SOX6: variants seen among roughly 807,000 people sequenced by gnomAD.
SOX6 encodes the protein transcription factor SOX-6.
Under a neutral mutation model 97.8 loss-of-function variants are expected in SOX6, and 11 were observed. The ratio of observed to expected loss-of-function variants is 0.11; its 90% CI spans 0.07 to 0.19. The LOEUF is 0.19. Among genes scored for constraint, SOX6 ranks in the 10% least tolerant of loss-of-function variants. The pLI is 1.00. For synonymous variants in SOX6, 360 were observed against 371.4 expected (o/e 0.97, Z 0.35); for missense variants, 810 against 1,039.5 (o/e 0.78, Z 3.04).
At chr11:16,243,612 T>C (rs4757386) in intron 3 of SOX6, among the ~76,000 whole-genome samples, 144,263 of 151,804 alleles carry the variant, frequency 0.95, 68,972 homozygotes, top group East Asian at 1. Flanking sequence ...AGCTCCACCC[T>C]CCCGAAAGAA....
chr11:16,282,072 C>A (rs7928191), intron 3 of SOX6, among the ~76,000 whole-genome samples: 2 of 148,860 alleles, frequency 1.3e-5, no homozygotes, highest in Admixed American at 1.3e-4. Context: ...ACAATGCACA[C>A]TAGATGCAAG....
intron 6 of SOX6, among the ~76,000 whole-genome samples, chr11:16,138,245 A>T (rs1287845471): frequency 6.6e-6 from 1 of 152,216 alleles, no homozygotes; most frequent in Non-Finnish European, 1.5e-5. Flanking sequence ...TACTTAACTA[A>T]TCTATACAAC....
At chr11:16,725,340 A>G (rs533052513) in intron 2 of SOX6, among the ~76,000 whole-genome samples, 1 of 152,294 alleles carries the variant, frequency 6.6e-6, no homozygotes, top group East Asian at 1.9e-4. Context: ...TGTGGACAAC[A>G]TGGTGAAACC....
At chr11:16,489,966 C>A (rs1249406928) in intron 4 of SOX6, among the ~76,000 whole-genome samples, 2 of 152,050 alleles carry the variant, frequency 1.3e-5, no homozygotes, top group Non-Finnish European at 2.9e-5. Context: ...TAAACACAAT[C>A]TCATCTCACC....
chr11:16,111,570 T>G (rs1849230321), intron 7 of SOX6, among the ~76,000 whole-genome samples: 1 of 152,200 alleles, frequency 6.6e-6, no homozygotes, highest in African/African-American at 2.4e-5. Context: ...AGTAGTATCT[T>G]ATCTGTGAAT....
rs1405330850 is a variant in SOX6, at chr11:15,967,043, GA to G, written c.*5765del. The G allele has an allele frequency of 1.3e-5, 2 of 152,066 alleles. No individual in the cohort carries two copies. The highest frequency in any genetic ancestry group is 2.9e-5 in the Non-Finnish European group (2 of 68,016). The allele number at this position is 152,066 out of a possible 1,614,324, so 9.4% of individuals were successfully genotyped here. A position where few individuals can be genotyped will look rare whatever the true frequency, so the allele number is the denominator to read the frequency against. Reference sequence around the variant, plus strand: ...AAAAACTTTACACTGGACTGTACAAGATTTTTTTTTGATAAACTATTTACAT... The same window carrying G: ...AAAAACTTTACACTGGACTGTACAAGTTTTTTTTTGATAAACTATTTACAT... On this transcript the variant is annotated 3_prime_UTR_variant, in exon 16 of 16. Transcript: ENST00000683767.
At chr11:16,365,167 C>G (rs1472160345) in intron 1 of SOX6, among the ~76,000 whole-genome samples, 2 of 151,838 alleles carry the variant, frequency 1.3e-5, no homozygotes, top group Admixed American at 1.3e-4. Flanking sequence ...TTAAACTTTA[C>G]CACAGGTTTG....
chr11:16,264,157 C>T (rs528460979), intron 3 of SOX6, among the ~76,000 whole-genome samples: 1 of 151,768 alleles, frequency 6.6e-6, no homozygotes, highest in South Asian at 2.1e-4. Flanking sequence ...AACTACTAAT[C>T]CCCATCCCAT....
chr11:16,663,041 T>TA lies in SOX6; in HGVS notation n.430-50782dup, dbSNP rs1309474455. Among the ~76,000 whole-genome samples, 917 of 142,566 alleles carry TA rather than the reference T, an allele frequency of 6.4e-3. 10 individuals carry two copies. The highest frequency in any genetic ancestry group is 0.022 in the African/African-American group (838 of 38,846). The allele number at this position is 142,566 out of a possible 152,430, so 93.5% of individuals were successfully genotyped here. ...AATATCCATTCCCAAGGGTCTCAGT[T>TA]AAAAAAAAAAAGAAAGAAAAAGGAC... On this transcript the variant is annotated intron_variant and non_coding_transcript_variant, in intron 3 of 5. Transcript: ENST00000524520.
chr11:16,016,849 A>G (rs1169666626), intron 12 of SOX6, among the ~76,000 whole-genome samples: 1 of 152,064 alleles, frequency 6.6e-6, no homozygotes, highest in Non-Finnish European at 1.5e-5. Context: ...GACACCTGCA[A>G]TCTTCTTGGA....
At chr11:16,579,758 G>A (rs575876548) in intron 4 of SOX6, among the ~76,000 whole-genome samples, 5 of 152,136 alleles carry the variant, frequency 3.3e-5, no homozygotes, top group East Asian at 1.9e-4. Context: ...ACGAACAAGC[G>A]GTGTATGTCT....
intron 4 of SOX6, among the ~76,000 whole-genome samples, chr11:16,586,508 AAGAT>A (rs990571297): frequency 1.1e-4 from 17 of 152,160 alleles, no homozygotes; most frequent in African/African-American, 3.9e-4. Flanking sequence ...TAGAAGAAAA[AAGAT>A]AGCCTGGGCA....
intron 4 of SOX6, among the ~76,000 whole-genome samples, chr11:16,575,479 A>G (rs1030470668): frequency 2.0e-5 from 3 of 152,362 alleles, no homozygotes; most frequent in Non-Finnish European, 4.4e-5. Context: ...CATAATAACC[A>G]GCAACTGGAA....
At chr11:16,430,733 G>T (rs1859256738) in intron 1 of SOX6, among the ~76,000 whole-genome samples, 1 of 152,074 alleles carries the variant, frequency 6.6e-6, no homozygotes, top group Non-Finnish European at 1.5e-5. Flanking sequence ...CCAGTTTATG[G>T]CATTTTGCTT....
intron 6 of SOX6, among the ~76,000 whole-genome samples, chr11:16,134,388 A>G (rs1273896341): frequency 6.7e-6 from 1 of 148,640 alleles, no homozygotes; most frequent in African/African-American, 2.6e-5. Context: ...GAAGTAAGGA[A>G]AGCCTTGAAA....
chr11:16,561,324 A>G (rs2133192032), intron 4 of SOX6, among the ~76,000 whole-genome samples: 1 of 152,168 alleles, frequency 6.6e-6, no homozygotes, highest in East Asian at 1.9e-4. Context: ...GCTCCTGTGA[A>G]TGACCACAGC....
chr11:15,993,923 C>A (rs1854138127), intron 13 of SOX6, among the ~76,000 whole-genome samples: 1 of 152,148 alleles, frequency 6.6e-6, no homozygotes, highest in African/African-American at 2.4e-5. Flanking sequence ...CAAGGGATAT[C>A]AGAGTGAATG....
At chr11:16,237,733 A>T (rs1222322814) in intron 3 of SOX6, among the ~76,000 whole-genome samples, 1 of 152,070 alleles carries the variant, frequency 6.6e-6, no homozygotes, top group Non-Finnish European at 1.5e-5. Flanking sequence ...TATAAACATA[A>T]ATATATTTTA....
At chr11:16,015,488 A>T (rs1590131291) in intron 12 of SOX6, among the ~76,000 whole-genome samples, 1 of 152,018 alleles carries the variant, frequency 6.6e-6, no homozygotes, top group East Asian at 1.9e-4. Context: ...TACAAATCAG[A>T]ATTTTATGCA....
Sources: allele counts gnomAD v4.1 joint callset (sites outside exome capture counted in the v4.1 genomes callset), GRCh38; gene constraint gnomAD v4.1.1; transcripts MANE v1.5; gene names NCBI Gene and HGNC (gene_info 2026-07-23, HGNC 2026-07-21).